The following ANK3 variants were observed in gnomAD, a reference collection of about 807,000 sequenced individuals.
The protein encoded by ANK3 is ankyrin-3.
Under a neutral mutation model 370.9 loss-of-function variants are expected in ANK3, and 57 were observed. That is an observed-to-expected ratio of 0.15 (90% CI 0.12 to 0.19). The LOEUF (loss-of-function observed/expected upper bound fraction) is 0.19, where lower values mean the gene tolerates loss of function less well. ANK3 is among the 10% of genes least tolerant of loss of function. The pLI is 1.00. For synonymous variants in ANK3, 1,929 were observed against 1,946.3 expected, an observed-to-expected ratio of 0.99 and a Z score of 0.23; for missense variants, 4,439 against 5,302.1, an observed-to-expected ratio of 0.84 and a Z score of 5.06.
At chr10:60,032,873 A>G (rs2074017940) in intron 43 of ANK3, among the ~76,000 whole-genome samples, 1 of 152,210 alleles carries the variant, frequency 6.6e-6, no homozygotes. Context: ...TACACCAAGT[A>G]CAATGTTGCA....
At chr10:60,122,703 A>G (rs1324393409) in intron 25 of ANK3, among the ~76,000 whole-genome samples, 2 of 152,226 alleles carry the variant, frequency 1.3e-5, no homozygotes, top group Non-Finnish European at 2.9e-5. Context: ...TGGAATTATC[A>G]TAATGTCTCC....
chr10:60,028,745 C>T lies in ANK3; in HGVS notation c.*1101G>A, dbSNP rs906010749. 1 of 152,572 alleles carries T rather than the reference C, an allele frequency of 6.6e-6. No homozygotes were observed. The highest frequency in any genetic ancestry group is 1.5e-5 in the Non-Finnish European group (1 of 68,038). The allele number at this position is 152,572 out of a possible 1,614,324, so 9.5% of individuals were successfully genotyped here. A position where few individuals can be genotyped will look rare whatever the true frequency, so the allele number is the denominator to read the frequency against. ...CTGTTCAGTCCTTTTTAAATACCCC[C>T]GACTGGGGCCTTTTATGAGCACCAT... is the stretch of plus-strand genomic sequence containing the variant. On this transcript the variant is annotated 3_prime_UTR_variant, in exon 44 of 44. Transcript: ENST00000280772.
At chr10:60,507,742 G>A (rs926417323) in intron 2 of ANK3, 20 of 151,900 alleles carry the variant, frequency 1.3e-4, no homozygotes, top group Admixed American at 2.6e-4. Context: ...TAAACTCCTA[G>A]AGAATTAAGA....
chr10:60,708,170 C>T (rs1356101090), intron 1 of ANK3, among the ~76,000 whole-genome samples: 2 of 152,158 alleles, frequency 1.3e-5, no homozygotes, highest in Admixed American at 6.5e-5. Flanking sequence ...GATACCCAAA[C>T]CTTAGTCAAG....
chr10:60,449,096 C>T lies in ANK3; in HGVS notation c.96+166090G>A, dbSNP rs1057381587. On this transcript the variant is annotated intron_variant, in intron 2 of 43. Transcript: ENST00000373827. ...TGCCTTGGCCCTATGCTAAAATAAGCATGGGTCTCTCTGGACATATAAATG... is the reference window on the plus strand; with the variant it reads ...TGCCTTGGCCCTATGCTAAAATAAGTATGGGTCTCTCTGGACATATAAATG... 5.9e-5 allele frequency among the ~76,000 whole-genome samples: 9 copies of T among 152,244 alleles called. No individual in the cohort carries two copies. In the East Asian group the frequency reaches 1.7e-3, roughly 29 times the overall value.
intron 17 of ANK3, among the ~76,000 whole-genome samples, chr10:60,183,571 A>G (rs2096253543): frequency 6.6e-6 from 1 of 152,174 alleles, no homozygotes; most frequent in South Asian, 2.1e-4. Flanking sequence ...TAAAAATAGC[A>G]CTTAGGGCCG....
chr10:60,395,331 T>C (rs898962577), intron 2 of ANK3, among the ~76,000 whole-genome samples: 1 of 152,230 alleles, frequency 6.6e-6, no homozygotes, highest in African/African-American at 2.4e-5. Flanking sequence ...AAACATATTA[T>C]TAAATTAATT....
chr10:60,423,477 C>A lies in ANK3; in HGVS notation c.97-143838G>T, dbSNP rs539267739. Among the ~76,000 whole-genome samples the A allele has an allele frequency of 4.0e-5, 6 of 151,238 alleles. No homozygotes were observed. The East Asian group carries it at 7.8e-4, about 20-fold the overall frequency. On this transcript the variant is annotated intron_variant, in intron 2 of 43. Coordinates refer to the ANK3 transcript ENST00000373827. The stretch of plus-strand genomic sequence containing the variant: ...TTTATTACCAGGACTTTTTAATAAT[C>A]AAACTATAACAATATACTAGCTCAG...
chr10:60,124,505 T>C (rs1039216923), intron 25 of ANK3, among the ~76,000 whole-genome samples: 1 of 152,158 alleles, frequency 6.6e-6, no homozygotes, highest in African/African-American at 2.4e-5. Flanking sequence ...TTGAAGATAA[T>C]TTATTTCTTA....
At chr10:60,657,057 C>A (rs2078874461) in intron 1 of ANK3, among the ~76,000 whole-genome samples, 1 of 152,152 alleles carries the variant, frequency 6.6e-6, no homozygotes, top group Non-Finnish European at 1.5e-5. Context: ...TTCCACATGG[C>A]TGGGAAGGCC....
chr10:60,540,727 G>A (rs2076828115), intron 2 of ANK3, among the ~76,000 whole-genome samples: 1 of 151,880 alleles, frequency 6.6e-6, no homozygotes, highest in Non-Finnish European at 1.5e-5. Flanking sequence ...TTGCATCTTG[G>A]CATTTTGAAT....
intron 1 of ANK3, among the ~76,000 whole-genome samples, chr10:60,698,770 G>A (rs1384437448): frequency 4.1e-5 from 4 of 97,588 alleles, no homozygotes; most frequent in Admixed American, 3.9e-4. Flanking sequence ...GGGGAGGGGG[G>A]AGGGATAGCA....
intron 18 of ANK3, among the ~76,000 whole-genome samples, chr10:60,180,013 G>C (rs10821696): frequency 0.32 from 46,955 of 144,836 alleles, 7,267 homozygotes; most frequent in African/African-American, 0.41. Flanking sequence ...CTCTCTCTCT[G>C]TGTGTGAATA....
At chr10:60,462,007 T>C (rs2064897056) in intron 2 of ANK3, among the ~76,000 whole-genome samples, 1 of 152,154 alleles carries the variant, frequency 6.6e-6, no homozygotes, top group Admixed American at 6.6e-5. Context: ...AGTACAGGTT[T>C]ACGGATGGGC....
At chr10:60,054,649 T>C (rs1265577106) in intron 42 of ANK3, among the ~76,000 whole-genome samples, 1 of 152,132 alleles carries the variant, frequency 6.6e-6, no homozygotes, top group African/African-American at 2.4e-5. Flanking sequence ...GAGAATCAGC[T>C]CCTGAGCGAT....
chr10:60,074,252 G>C lies in ANK3; in HGVS notation c.6629C>G (p.Ser2210Cys). The change falls in exon 37 of 44, where the codon TCT becomes TGT. Residue 2210 changes from serine (S) to cysteine (C), a missense_variant. Ser to Cys is a moderately radical substitution (Grantham distance 112). Transcript: ENST00000280772. ...TGCTTTAACCTTTTCTTTAATACTAGAGGTGGTGGGCTTTGGTTCCAATTC... is the reference window on the plus strand; with the variant it reads ...TGCTTTAACCTTTTCTTTAATACTACAGGTGGTGGGCTTTGGTTCCAATTC... ...FMELEPKPTT[S>C]SIKEKVKAFQ... 1 of 1,614,074 alleles carries C rather than the reference G, an allele frequency of 6.2e-7. No homozygotes were observed. The highest frequency in any genetic ancestry group is 8.5e-7 in the Non-Finnish European group (1 of 1,179,992).
chr10:60,672,136 GTC>G (rs2079071015), intron 1 of ANK3, among the ~76,000 whole-genome samples: 1 of 152,178 alleles, frequency 6.6e-6, no homozygotes, highest in South Asian at 2.1e-4. Flanking sequence ...AAAAGATTTG[GTC>G]TCCAACCCTG....
chr10:60,120,200 C>A (rs192656057), intron 25 of ANK3, among the ~76,000 whole-genome samples: 48 of 152,140 alleles, frequency 3.2e-4, no homozygotes, highest in African/African-American at 1.1e-3. Flanking sequence ...GTGCTAAGAA[C>A]GTACATTGGA....
chr10:60,046,410 A>G (rs578222804), intron 42 of ANK3, among the ~76,000 whole-genome samples: 16 of 152,330 alleles, frequency 1.1e-4, no homozygotes, highest in South Asian at 8.3e-4. Flanking sequence ...GAAAATCCCT[A>G]AAATGGTATC....
Sources: gnomAD v4.1 joint callset for allele counts (sites outside exome capture counted in the v4.1 genomes callset) on GRCh38, gnomAD v4.1.1 for gene constraint, MANE v1.5 for transcripts, NCBI Gene and HGNC (gene_info 2026-07-23, HGNC 2026-07-21) for gene names.